Variants in LONP1 observed in about 807,000 individuals in gnomAD.
LONP1 encodes the protein lon protease homolog, mitochondrial.
Under a neutral mutation model 98.5 loss-of-function variants are expected in LONP1, and 31 were observed. The ratio of observed to expected loss-of-function variants is 0.31; its 90% confidence interval spans 0.24 to 0.42. The LOEUF is 0.42. Ranked by LOEUF, LONP1 falls within the 20% of genes least tolerant of loss-of-function variation. The pLI, the probability that LONP1 is intolerant of heterozygous loss-of-function variation, is 1.00. For missense variants in LONP1, 1,336 were observed against 1,350.6 expected (o/e 0.99, Z 0.17); for synonymous variants, 781 against 594.7 (o/e 1.31, Z -4.56).
At chr19:5,713,534 TCA>T (rs1296757562) in intron 2 of LONP1, among the ~76,000 whole-genome samples, 1 of 152,194 alleles carries the variant, frequency 6.6e-6, no homozygotes, top group East Asian at 1.9e-4. Context: ...TTCTATGCTA[TCA>T]CAGAGCCTGC....
intron 17 of LONP1, 109 bp downstream of exon 17, chr19:5,693,189 A>C (rs2054861679): frequency 7.2e-7 from 1 of 1,379,344 alleles, no homozygotes. Flanking sequence ...TCCAAAGCCC[A>C]GGGCTTCCCT....
intron 7 of LONP1, among the ~76,000 whole-genome samples, chr19:5,706,418 G>A (rs1257592159): frequency 6.6e-6 from 1 of 152,130 alleles, no homozygotes; most frequent in African/African-American, 2.4e-5. Context: ...AGACCAGCCT[G>A]GCCAACATGG....
At chr19:5,701,369 C>T (rs2055039462) in intron 8 of LONP1, among the ~76,000 whole-genome samples, 1 of 152,170 alleles carries the variant, frequency 6.6e-6, no homozygotes, top group African/African-American at 2.4e-5. Context: ...CCATGGTCTC[C>T]CTCTGATGCC....
chr19:5,706,626 A>G (rs555411199), intron 7 of LONP1, among the ~76,000 whole-genome samples: 127 of 152,144 alleles, frequency 8.3e-4, no homozygotes, highest in Non-Finnish European at 1.6e-3. Flanking sequence ...AATTCTGAAA[A>G]ATGCTACGAC....
At chr19:5,701,295 A>G (rs2055037173) in intron 8 of LONP1, among the ~76,000 whole-genome samples, 1 of 151,180 alleles carries the variant, frequency 6.6e-6, no homozygotes, top group Non-Finnish European at 1.5e-5. Context: ...AATACAAAAA[A>G]TGCTTCTGCC....
At chr19:5,715,036 AAC>A (rs1164890535) in intron 1 of LONP1, 2 of 144,192 alleles carry the variant, frequency 1.4e-5, no homozygotes, top group Non-Finnish European at 3.0e-5. Flanking sequence ...ATGGTTTGGG[AAC>A]GCCTAAACAA....
At chr19:5,702,260 G>C (rs1294076993) in intron 8 of LONP1, among the ~76,000 whole-genome samples, 10 of 133,812 alleles carry the variant, frequency 7.5e-5, no homozygotes, top group Non-Finnish European at 1.1e-4. Flanking sequence ...GTTGGGGGGG[G>C]GGTCAGCCCC....
At chr19:5,704,092 G>A (rs1231903585) in intron 8 of LONP1, among the ~76,000 whole-genome samples, 1 of 152,220 alleles carries the variant, frequency 6.6e-6, no homozygotes, top group Non-Finnish European at 1.5e-5. Context: ...GTGACCCAGG[G>A]GGCCCAGGTT....
chr19:5,705,896 C>G lies in LONP1; in HGVS notation c.1243G>C (p.Asp415His). 6.2e-7 allele frequency: 1 copy of G among 1,614,168 alleles called. No homozygotes were observed. Among genetic ancestry groups the G allele is most frequent in the Non-Finnish European group, 8.5e-7 (1 of 1,180,028 alleles). ...KELGLEKDDKDAIEEKFRERL... is the reference protein window; with the variant it reads ...KELGLEKDDKHAIEEKFRERL... ...TCCCGGAACTTCTCCTCGATGGCATCCTTGTCGTCCTTCTCCAGGCCCAGC... is the reference window on the plus strand; with the variant it reads ...TCCCGGAACTTCTCCTCGATGGCATGCTTGTCGTCCTTCTCCAGGCCCAGC... The change falls in exon 8 of 18, where the codon GAT becomes CAT. Residue 415 changes from aspartate to histidine, a missense_variant. Asp to His is a moderately conservative substitution (Grantham distance 81). Transcript: ENST00000360614.
rs2054896745 is a variant in LONP1 at position 5,694,809 on chromosome 19, C to T, written c.2106G>A (p.Gln702=). Residue 702 remains glutamine (Q), a synonymous_variant, in exon 14 of 18, where the codon CAG becomes CAA. Transcript: ENST00000360614. ...TGCGGACACCGCTCTCGCGGCAGTA[C>T]TGCTTGATGAGCAGCGTCAGCACGT... ...SSDVLTLLIK[Q]YCRESGVRNL... The T allele has an allele frequency of 6.2e-7, 1 of 1,600,226 alleles. No homozygotes were observed. The highest frequency in any genetic ancestry group is 8.6e-7 in the Non-Finnish European group (1 of 1,169,472).
intron 8 of LONP1, among the ~76,000 whole-genome samples, chr19:5,705,129 T>A (rs2055122641): frequency 6.8e-6 from 1 of 147,428 alleles, no homozygotes. Context: ...ACCACTGTAC[T>A]CCAGCCTGGA....
At chr19:5,712,085 G>T in intron 3 of LONP1, 83 bp from the exon 4 acceptor site, 2 of 1,144,838 alleles carry the variant, frequency 1.7e-6, no homozygotes, top group Non-Finnish European at 2.5e-6. Context: ...TGGCACAGGT[G>T]GTCCAAGGGT....
chr19:5,707,700 G>T lies in LONP1; in HGVS notation c.1059C>A (p.Thr353=). Residue 353 remains threonine, a synonymous_variant, in exon 6 of 18, where the codon ACC becomes ACA. Coordinates refer to ENST00000360614, the MANE Select transcript of LONP1 (RefSeq NM_004793.4). ...TGTGGAGGTGACGAGCACTCACATT[G>T]GTCTCTTCCAGGACGTCCTGCAGCT... is the stretch of plus-strand genomic sequence containing the variant. ...SHELQDVLEE[T]NIPKRLYKAL... The T allele has an allele frequency of 6.2e-7, 1 of 1,609,844 alleles. No individual in the cohort carries two copies. The highest frequency in any genetic ancestry group is 8.5e-7 in the Non-Finnish European group (1 of 1,177,228).
chr19:5,696,533 C>T lies in LONP1; in HGVS notation c.1773+137G>A, dbSNP rs753484969. On this transcript the variant is annotated intron_variant, in intron 11 of 17. Transcript: ENST00000360614. The stretch of plus-strand genomic sequence containing the variant: ...TGGGCGTGGCTGTGGGTGGGAGGGA[C>T]CCGTCCGTGCCATCAGGGCCAGCAT... 1.3e-5 allele frequency: 16 copies of T among 1,275,100 alleles called. 1 individual carries two copies. Among genetic ancestry groups the T allele is most frequent in the Middle Eastern group, 4.6e-4 (2 of 4,354 alleles). The allele number at this position is 1,275,100 out of a possible 1,614,324, so 79.0% of individuals were successfully genotyped here.
At chr19:5,705,681 C>T (rs1242863691) in intron 8 of LONP1, 91 bp downstream of exon 8, 7 of 1,156,952 alleles carry the variant, frequency 6.1e-6, no homozygotes, top group African/African-American at 4.6e-5. Context: ...GAAGGTGCCA[C>T]GGGGCTCCCC....
chr19:5,707,624 C>T (rs550775777), intron 6 of LONP1, 73 bp downstream of exon 6: 72 of 1,538,708 alleles, frequency 4.7e-5, no homozygotes, highest in Non-Finnish European at 5.7e-5. Context: ...CGGGGGCAGC[C>T]GGGCGTGGGC....
intron 16 of LONP1, 44 bp downstream of exon 16, chr19:5,693,508 C>A: frequency 1.2e-6 from 2 of 1,612,446 alleles, no homozygotes; most frequent in Admixed American, 3.3e-5. Context: ...GGCCAGCAGC[C>A]CAGGGACTGG....
At chr19:5,708,226 T>C in intron 5 of LONP1, 116 bp downstream of exon 5, 1 of 1,093,986 alleles carries the variant, frequency 9.1e-7, no homozygotes, top group Non-Finnish European at 1.3e-6. Flanking sequence ...AGGCCACTCC[T>C]TGGGGCAGGC....
intron 7 of LONP1, among the ~76,000 whole-genome samples, chr19:5,706,704 G>A (rs2055151268): frequency 6.6e-6 from 1 of 152,164 alleles, no homozygotes; most frequent in Non-Finnish European, 1.5e-5. Flanking sequence ...CTCAATGGCT[G>A]GGTCTTAAGA....
Sources: gnomAD v4.1 joint callset for allele counts (sites outside exome capture counted in the v4.1 genomes callset) on GRCh38, gnomAD v4.1.1 for gene constraint, MANE v1.5 for transcripts, NCBI Gene and HGNC (gene_info 2026-07-23, HGNC 2026-07-21) for gene names.